The following SCRG1 variants were observed in gnomAD, a reference collection of about 807,000 sequenced individuals.
SCRG1 encodes scrapie-responsive protein 1.
Under a neutral mutation model 7.7 loss-of-function variants are expected in SCRG1, and 3 were observed. The ratio of observed to expected loss-of-function variants is 0.39; its 90% confidence interval spans 0.18 to 1.01. The LOEUF is 1.01. Among genes scored for constraint, SCRG1 ranks in the 50% least tolerant of loss-of-function variants. SCRG1 has a pLI of 0.36. For missense variants in SCRG1, 110 were observed against 117.2 expected, an observed-to-expected ratio of 0.94 and a Z score of 0.28; for synonymous variants, 46 against 41.2, an observed-to-expected ratio of 1.12 and a Z score of -0.44.
chr4:173,397,792 C>T (rs1300768027), intron 1 of SCRG1, among the ~76,000 whole-genome samples: 1 of 152,164 alleles, frequency 6.6e-6, no homozygotes, highest in African/African-American at 2.4e-5. Context: ...CTCATACAGG[C>T]AGCTGATGTC....
upstream of SCRG1, among the ~76,000 whole-genome samples, chr4:173,407,234 G>C (rs1398147074): frequency 6.7e-6 from 1 of 150,280 alleles, no homozygotes; most frequent in Non-Finnish European, 1.5e-5. Flanking sequence ...AGAGGTGCTG[G>C]GGCTGGATGC....
chr4:173,476,363 A>AAAAAAAAATATATATATATATGTAT, the SCRG1 span, among the ~76,000 whole-genome samples: 6 of 98,484 alleles, frequency 6.1e-5, no homozygotes, highest in Admixed American at 7.1e-4. Flanking sequence ...GGAAAAAAAA[A>AAAAAAAAATATATATATATATGTAT]ATATATATAT....
At chr4:173,463,566 G>A in the SCRG1 span, among the ~76,000 whole-genome samples, 1 of 152,128 alleles carries the variant, frequency 6.6e-6, no homozygotes, top group East Asian at 1.9e-4. Flanking sequence ...ATCAGAATGG[G>A]TTCTCTCCAA....
the SCRG1 span, among the ~76,000 whole-genome samples, chr4:173,489,456 A>G: frequency 6.6e-6 from 1 of 151,972 alleles, no homozygotes; most frequent in Non-Finnish European, 1.5e-5. Flanking sequence ...TCATGAGTCC[A>G]TTTTTCCACT....
chr4:173,481,479 A>C, the SCRG1 span, among the ~76,000 whole-genome samples: 1 of 152,172 alleles, frequency 6.6e-6, no homozygotes, highest in Non-Finnish European at 1.5e-5. Flanking sequence ...TCACATCTAC[A>C]AACCCTTGAA....
At chr4:173,439,573 T>C in the SCRG1 span, among the ~76,000 whole-genome samples, 1 of 151,448 alleles carries the variant, frequency 6.6e-6, no homozygotes, top group African/African-American at 2.4e-5. Context: ...TCATATACAA[T>C]ACAAATATAT....
chr4:173,464,437 CAA>C, the SCRG1 span, among the ~76,000 whole-genome samples: 4 of 152,258 alleles, frequency 2.6e-5, no homozygotes, highest in South Asian at 8.3e-4. Flanking sequence ...AAATAACCAC[CAA>C]ATTAACCAAA....
chr4:173,419,612 C>T, the SCRG1 span: 1 of 725,486 alleles, frequency 1.4e-6, no homozygotes, highest in Non-Finnish European at 2.5e-6. Flanking sequence ...TCATTTGGTA[C>T]TGTGAGGGAT....
At chr4:173,424,239 A>G in the SCRG1 span, among the ~76,000 whole-genome samples, 4 of 152,236 alleles carry the variant, frequency 2.6e-5, no homozygotes, top group Non-Finnish European at 5.9e-5. Context: ...TGGCTTATTT[A>G]GCCATGCTCT....
chr4:173,467,221 T>C, the SCRG1 span, among the ~76,000 whole-genome samples: 1 of 108,412 alleles, frequency 9.2e-6, no homozygotes, highest in Non-Finnish European at 1.9e-5. Context: ...TGAATGTGAG[T>C]AAGCAGTCCA....
At chr4:173,484,227 A>C in the SCRG1 span, among the ~76,000 whole-genome samples, 1,664 of 90,254 alleles carry the variant, frequency 0.018, 48 homozygotes, top group African/African-American at 0.061. Context: ...ATTATATATA[A>C]TATATATTTA....
the SCRG1 span, among the ~76,000 whole-genome samples, chr4:173,517,140 C>A: frequency 6.6e-6 from 1 of 151,882 alleles, no homozygotes; most frequent in Non-Finnish European, 1.5e-5. Context: ...GGCCAACCGT[C>A]CCCCCGGGAG....
the SCRG1 span, among the ~76,000 whole-genome samples, chr4:173,435,635 G>A: frequency 0.29 from 44,776 of 152,084 alleles, 6,888 homozygotes; most frequent in South Asian, 0.46. Flanking sequence ...TAAGAACATC[G>A]CCAAGGTAGG....
intron 1 of SCRG1, among the ~76,000 whole-genome samples, chr4:173,405,197 G>T (rs1054127255): frequency 6.6e-6 from 1 of 152,100 alleles, no homozygotes; most frequent in African/African-American, 2.4e-5. Flanking sequence ...CCGTTTTGAG[G>T]AATACTGGTC....
the SCRG1 span, among the ~76,000 whole-genome samples, chr4:173,511,308 G>A: frequency 6.6e-6 from 1 of 152,082 alleles, no homozygotes; most frequent in Non-Finnish European, 1.5e-5. The surrounding 1 kb of genome is among the most constrained non-coding windows in gnomAD (Gnocchi z 5.2). Context: ...TAGCAGTCTT[G>A]GAGTGGAGTG....
At chr4:173,438,643 C>A in the SCRG1 span, among the ~76,000 whole-genome samples, 1 of 151,896 alleles carries the variant, frequency 6.6e-6, no homozygotes, top group Admixed American at 6.6e-5. Flanking sequence ...AGAAAAATAC[C>A]ATCGAAATGT....
chr4:173,476,380 A>ATATATATATATATATATATATATAT, the SCRG1 span, among the ~76,000 whole-genome samples: 83 of 138,426 alleles, frequency 6.0e-4, no homozygotes, highest in Non-Finnish European at 9.9e-4. Flanking sequence ...ATATATATAT[A>ATATATATATATATATATATATATAT]ATGAATTGAA....
chr4:173,416,327 A>G, the SCRG1 span, among the ~76,000 whole-genome samples: 16 of 152,268 alleles, frequency 1.1e-4, no homozygotes, highest in Admixed American at 2.6e-4. Context: ...CCTGTCTGCC[A>G]TAAGAACCTC....
chr4:173,397,324 CT>C lies in SCRG1; in HGVS notation c.-15+1743del, dbSNP rs201900814. On this transcript the variant is annotated intron_variant, in intron 1 of 2. Transcript: ENST00000296506. ...TTTGGCCAATTTGAAGAAAATTGGT[CT>C]TTTTTTTTTCTTTTTCAGTTGAGGT... Among the ~76,000 whole-genome samples the C allele has an allele frequency of 3.2e-3, 482 of 149,180 alleles. 2 individuals are homozygous for C. The highest frequency in any genetic ancestry group is 7.9e-3 in the South Asian group (37 of 4,692).
Sources: gnomAD v4.1 joint callset for allele counts (sites outside exome capture counted in the v4.1 genomes callset) on GRCh38, gnomAD v4.1.1 for gene constraint, Gnocchi (gnomAD v3.1) non-coding constraint, MANE v1.5 for transcripts, NCBI Gene and HGNC (gene_info 2026-07-23, HGNC 2026-07-21) for gene names.